The following TAFA2 variants were observed in gnomAD, a reference collection of about 807,000 sequenced individuals.
TAFA2 encodes chemokine-like protein TAFA-2.
A neutral mutation model predicts 18.8 loss-of-function variants in TAFA2; 7 were observed. That is an observed-to-expected ratio of 0.37 (90% CI 0.21 to 0.70). The LOEUF (loss-of-function observed/expected upper bound fraction) is 0.70. TAFA2 is among the 30% of genes least tolerant of loss of function. The pLI, the probability that TAFA2 is intolerant of heterozygous loss-of-function variation, is 0.53. For missense variants in TAFA2, 122 were observed against 158.1 expected (o/e 0.77, Z 1.23); for synonymous variants, 60 against 54.2 (o/e 1.11, Z -0.47).
intron 4 of TAFA2, among the ~76,000 whole-genome samples, chr12:61,741,697 A>C (rs1009016434): frequency 6.6e-6 from 1 of 152,064 alleles, no homozygotes; most frequent in Non-Finnish European, 1.5e-5. Flanking sequence ...TGATTTACTG[A>C]CTTTCTATCC....
intron 2 of TAFA2, among the ~76,000 whole-genome samples, chr12:61,853,773 G>A (rs1179767938): frequency 2.6e-5 from 4 of 152,094 alleles, no homozygotes; most frequent in Non-Finnish European, 5.9e-5. Context: ...TGTTTTTTAA[G>A]AGACACAGAG....
chr12:62,040,574 G>A (rs1881730559), intron 1 of TAFA2, among the ~76,000 whole-genome samples: 1 of 152,120 alleles, frequency 6.6e-6, no homozygotes, highest in Admixed American at 6.6e-5. Context: ...AGCTAGAAGA[G>A]CCAAGGAAGC....
chr12:62,046,119 C>G (rs1881901481), intron 1 of TAFA2, among the ~76,000 whole-genome samples: 1 of 152,076 alleles, frequency 6.6e-6, no homozygotes, highest in Non-Finnish European at 1.5e-5. Context: ...ATTCAGAAAG[C>G]AATATGCTAT....
chr12:61,723,638 A>G (rs772186109), intron 4 of TAFA2, among the ~76,000 whole-genome samples: 2 of 152,114 alleles, frequency 1.3e-5, no homozygotes, highest in Non-Finnish European at 2.9e-5. Context: ...ATTTAAATTT[A>G]TTCTCACTTG....
At chr12:62,218,672 A>G (rs1190740281) in intron 1 of TAFA2, among the ~76,000 whole-genome samples, 1 of 152,198 alleles carries the variant, frequency 6.6e-6, no homozygotes, top group East Asian at 1.9e-4. Context: ...ATAGCTTTAA[A>G]TCTATGAATG....
At chr12:61,978,180 T>A (rs1879504399) in intron 1 of TAFA2, among the ~76,000 whole-genome samples, 1 of 152,004 alleles carries the variant, frequency 6.6e-6, no homozygotes, top group Non-Finnish European at 1.5e-5. Context: ...CTATGTGGAT[T>A]AAAAAGAGAT....
chr12:62,049,506 C>G (rs1881994376), intron 1 of TAFA2, among the ~76,000 whole-genome samples: 1 of 152,126 alleles, frequency 6.6e-6, no homozygotes, highest in Non-Finnish European at 1.5e-5. Context: ...GTAAAGGGAA[C>G]AAGCACATAG....
At position 62,072,273 on chromosome 12, in the gene TAFA2, G is replaced by A. The variant is rs1254462645; in HGVS notation, c.-2+118986C>T. 2.6e-5 allele frequency among the ~76,000 whole-genome samples: 4 copies of A among 151,594 alleles called. No homozygotes were observed. In the East Asian group the frequency reaches 7.8e-4, roughly 30 times the overall value. Reference sequence around the variant, plus strand: ...AGGTCAGGAGATCGAGACCACCCTGGCTAACACGGTGAAACCCCATCTCTA... The same window carrying A: ...AGGTCAGGAGATCGAGACCACCCTGACTAACACGGTGAAACCCCATCTCTA... On this transcript the variant is annotated intron_variant, in intron 1 of 4. Transcript: ENST00000416284.
Position 61,975,979 on chromosome 12 carries a change from TCAATA to T in TAFA2, c.-1-108558_-1-108554del, listed in dbSNP as rs375820051. Among the ~76,000 whole-genome samples, 16 of 151,886 alleles carry T rather than the reference TCAATA, an allele frequency of 1.1e-4. 1 individual carries two copies. The highest frequency in any genetic ancestry group is 3.6e-4 in the African/African-American group (15 of 41,470). On this transcript the variant is annotated intron_variant, in intron 1 of 4. Coordinates refer to ENST00000416284, the MANE Select transcript of TAFA2 (RefSeq NM_178539.5). ...AATCATTTCACAATGTGTACATATA[TCAATA>T]CATCACATGGTACACCTTAAATACA...
At chr12:62,026,260 G>A (rs1881306852) in intron 1 of TAFA2, among the ~76,000 whole-genome samples, 1 of 152,110 alleles carries the variant, frequency 6.6e-6, no homozygotes, top group African/African-American at 2.4e-5. Context: ...ACTTGTTTCA[G>A]AGATTTACCT....
intron 1 of TAFA2, among the ~76,000 whole-genome samples, chr12:62,015,813 T>C (rs1249639965): frequency 6.6e-6 from 1 of 152,138 alleles, no homozygotes; most frequent in African/African-American, 2.4e-5. Flanking sequence ...AAGTAAATCA[T>C]GGAGTTATAA....
chr12:62,170,690 A>C (rs1321971514), intron 1 of TAFA2, among the ~76,000 whole-genome samples: 1 of 152,142 alleles, frequency 6.6e-6, no homozygotes, highest in African/African-American at 2.4e-5. Context: ...AGAGTGGCGA[A>C]GTCTGTGTCT....
At chr12:61,776,155 A>G in intron 2 of TAFA2, 1 of 359,802 alleles carries the variant, frequency 2.8e-6, no homozygotes, top group South Asian at 2.8e-5. Context: ...GTAAACAGAC[A>G]ATTTAAGGGC....
intron 1 of TAFA2, among the ~76,000 whole-genome samples, chr12:61,924,166 C>T (rs1266245221): frequency 1.3e-5 from 2 of 152,106 alleles, no homozygotes; most frequent in Non-Finnish European, 2.9e-5. Context: ...AAACGCACTT[C>T]AAGATATTAT....
chr12:62,248,445 T>C (rs1056476033), intron 1 of TAFA2, among the ~76,000 whole-genome samples: 17 of 152,224 alleles, frequency 1.1e-4, no homozygotes, highest in African/African-American at 3.6e-4. Flanking sequence ...CTGTGCACAA[T>C]GGCCTGGGCA....
In TAFA2 at chr12:62,149,056, C is replaced by T. The variant is rs2062307223; in HGVS notation, c.-2+42203G>A. Among the ~76,000 whole-genome samples the T allele has an allele frequency of 2.0e-5, 3 of 152,214 alleles. No homozygotes were observed. In the South Asian group the frequency reaches 6.2e-4, roughly 32 times the overall value. The stretch of plus-strand genomic sequence containing the variant: ...CAGCTAGAATGGACCACACCCTCAG[C>T]CTGATCCAGAGCTAGGCCTTAGCAC... On this transcript the variant is annotated intron_variant, in intron 1 of 4. Coordinates refer to ENST00000416284, the MANE Select transcript of TAFA2 (RefSeq NM_178539.5).
intron 3 of TAFA2, 91 bp from the exon 4 acceptor site, chr12:61,753,837 T>A (rs1210374131): frequency 2.5e-6 from 3 of 1,208,244 alleles, no homozygotes; most frequent in Non-Finnish European, 3.4e-6. Flanking sequence ...GCCACTAATT[T>A]TTCCTACCAG....
intron 2 of TAFA2, among the ~76,000 whole-genome samples, chr12:61,819,947 G>A (rs764624289): frequency 6.6e-6 from 1 of 151,938 alleles, no homozygotes; most frequent in African/African-American, 2.4e-5. Flanking sequence ...AAAATCCATG[G>A]ACAAGTTTGT....
intron 1 of TAFA2, among the ~76,000 whole-genome samples, chr12:62,117,920 A>G (rs1189256589): frequency 6.6e-6 from 1 of 152,116 alleles, no homozygotes; most frequent in Non-Finnish European, 1.5e-5. Flanking sequence ...TGGATTAATA[A>G]TAATCCGTGG....
Sources: gnomAD v4.1 joint callset for allele counts (sites outside exome capture counted in the v4.1 genomes callset) on GRCh38, gnomAD v4.1.1 for gene constraint, MANE v1.5 for transcripts, NCBI Gene and HGNC (gene_info 2026-07-23, HGNC 2026-07-21) for gene names.